The following PLCH2 variants were observed in gnomAD, a reference collection of about 807,000 sequenced individuals.
The protein encoded by PLCH2 is phospholipase C eta 2, also known as 1-phosphatidylinositol 4,5-bisphosphate phosphodiesterase eta-2.
PLCH2 carries 98 observed loss-of-function variants against 134.7 expected under a neutral mutation model. That is an observed-to-expected ratio of 0.73 (90% CI 0.62 to 0.86). The LOEUF (loss-of-function observed/expected upper bound fraction) is 0.86. PLCH2 is among the 40% of genes least tolerant of loss of function. The pLI is 0.00. For synonymous variants in PLCH2, 974 were observed against 827.5 expected, an observed-to-expected ratio of 1.18 and a Z score of -3.04; for missense variants, 1,994 against 1,986.6, an observed-to-expected ratio of 1.00 and a Z score of -0.07.
chr1:2,499,654 G>A lies in PLCH2; in HGVS notation c.2595G>A (p.Val865=), dbSNP rs1643105463. 6.2e-7 allele frequency: 1 copy of A among 1,601,542 alleles called. No individual in the cohort carries two copies. The highest frequency in any genetic ancestry group is 8.5e-7 in the Non-Finnish European group (1 of 1,174,484). The part of the protein sequence containing the change: ...FSSMMPGYRH[V]YLEGMEEASI... ...ACACTGCTCCAGGCTACAGACACGT[G>A]TACCTAGAAGGGATGGAAGAGGCCT... Residue 865 remains valine (V), a synonymous_variant, in exon 20 of 22, where the codon GTG becomes GTA. Coordinates refer to ENST00000378486, the MANE Select transcript of PLCH2 (RefSeq NM_014638.4).
At chr1:2,427,741 C>T (rs560966616) in intron 1 of PLCH2, among the ~76,000 whole-genome samples, 13 of 152,214 alleles carry the variant, frequency 8.5e-5, no homozygotes, top group East Asian at 3.9e-4. Flanking sequence ...GAGGGGCCAC[C>T]GCAGGTATTG....
At chr1:2,422,566 A>G (rs1638573710), upstream of PLCH2, among the ~76,000 whole-genome samples, 1 of 152,194 alleles carries the variant, frequency 6.6e-6, no homozygotes, top group Non-Finnish European at 1.5e-5. Context: ...AGAGTTTCTT[A>G]CAGGTTGTTG....
chr1:2,495,695 C>T, intron 13 of PLCH2, 125 bp downstream of exon 13: 2 of 644,728 alleles, frequency 3.1e-6, no homozygotes, highest in Non-Finnish European at 5.3e-6. Context: ...CCTTCTTGGC[C>T]CCTGGAAGCA....
chr1:2,459,602 C>CTCCTTCCT (rs1640702679), intron 2 of PLCH2, among the ~76,000 whole-genome samples: 1 of 71,208 alleles, frequency 1.4e-5, no homozygotes, highest in Non-Finnish European at 2.9e-5. Flanking sequence ...TCTTCCTTTC[C>CTCCTTCCT]GGTGGTCCTC....
At chr1:2,420,279 C>T in the PLCH2 span, among the ~76,000 whole-genome samples, 1 of 152,140 alleles carries the variant, frequency 6.6e-6, no homozygotes, top group African/African-American at 2.4e-5. Flanking sequence ...TCCTTCCTCC[C>T]GCTGCTCGAT....
At chr1:2,430,147 A>C (rs1313997287) in intron 1 of PLCH2, among the ~76,000 whole-genome samples, 1 of 151,656 alleles carries the variant, frequency 6.6e-6, no homozygotes, top group Admixed American at 6.6e-5. Context: ...TTCCCACCTG[A>C]CTCTTCAGAC....
chr1:2,455,161 A>G (rs1640429390), intron 2 of PLCH2, among the ~76,000 whole-genome samples: 2 of 152,318 alleles, frequency 1.3e-5, no homozygotes, highest in East Asian at 1.9e-4. Context: ...TTTCTGAGAT[A>G]GGAACTCAGC....
Position 2,434,196 on chromosome 1 carries a change from G to A in PLCH2, c.115+3567G>A, listed in dbSNP as rs906852687. ...GAGCAACCAAGGGAGGTGGCTGGGT[G>A]TGCCAGGGGCCGGCGGGGGCCGCGC... On this transcript the variant is annotated intron_variant, in intron 2 of 3. Coordinates refer to the PLCH2 transcript ENST00000609981. Among the ~76,000 whole-genome samples the A allele has an allele frequency of 7.9e-5, 12 of 152,256 alleles. No individual in the cohort carries two copies. In the South Asian group the frequency reaches 2.3e-3, roughly 29 times the overall value.
chr1:2,493,610 G>A (rs890008657), intron 11 of PLCH2: 2 of 152,396 alleles, frequency 1.3e-5, no homozygotes, highest in African/African-American at 2.4e-5. Flanking sequence ...GGCTCCCTAT[G>A]AGGGTGAAGG....
chr1:2,433,967 A>C (rs1203618340), intron 2 of PLCH2, among the ~76,000 whole-genome samples: 1 of 143,834 alleles, frequency 7.0e-6, no homozygotes, highest in Non-Finnish European at 1.5e-5. Flanking sequence ...CATGCTCCGA[A>C]GGGCAGCAGT....
intron 2 of PLCH2, chr1:2,479,499 G>C (rs1641832915): frequency 8.1e-6 from 4 of 494,646 alleles, no homozygotes; most frequent in Non-Finnish European, 7.3e-6. Context: ...TCGTGGGGGC[G>C]TGTCTTTTCC....
At chr1:2,438,998 C>T (rs561778762) in intron 2 of PLCH2, among the ~76,000 whole-genome samples, 23 of 152,332 alleles carry the variant, frequency 1.5e-4, no homozygotes, top group African/African-American at 5.3e-4. Context: ...ATGGGTGGCT[C>T]CAGGTAGAAG....
chr1:2,436,441 C>T lies in PLCH2; in HGVS notation c.115+5812C>T, dbSNP rs201395937. 9.1e-3 allele frequency among the ~76,000 whole-genome samples: 240 copies of T among 26,402 alleles called. 47 individuals carry two copies. Among genetic ancestry groups the T allele is most frequent in the East Asian group, 0.069 (18 of 262 alleles). 17.3% of individuals were successfully genotyped at this position (26,402 alleles called of 152,430 possible). A position where few individuals can be genotyped will look rare whatever the true frequency, so the allele number is the denominator to read the frequency against. ...ACCTTTCCTCCTTTCTCCCTCCTCCCTTCCTCCCTTCCTCCCTCCACCTTT... is the reference window on the plus strand; with the variant it reads ...ACCTTTCCTCCTTTCTCCCTCCTCCTTTCCTCCCTTCCTCCCTCCACCTTT... On this transcript the variant is annotated intron_variant, in intron 2 of 3. Coordinates refer to the PLCH2 transcript ENST00000609981.
intron 2 of PLCH2, among the ~76,000 whole-genome samples, chr1:2,432,324 G>A (rs568947682): frequency 6.6e-6 from 1 of 152,312 alleles, no homozygotes; most frequent in South Asian, 2.1e-4. Flanking sequence ...GAGCACTCCG[G>A]CTGGGACTGG....
At chr1:2,503,146 C>G (rs1212424529) in intron 21 of PLCH2, 7 of 649,888 alleles carry the variant, frequency 1.1e-5, no homozygotes, top group Non-Finnish European at 2.0e-5. Context: ...GTTTGAGGCC[C>G]GACAGGCTGG....
chr1:2,502,466 G>A, intron 21 of PLCH2, 57 bp downstream of exon 21: 1 of 1,484,424 alleles, frequency 6.7e-7, no homozygotes, highest in Non-Finnish European at 9.2e-7. Flanking sequence ...GCCCCCGCGT[G>A]TCCTGGACGG....
chr1:2,443,595 A>AGCCCTGCCGTGC (rs1553240676), intron 2 of PLCH2, among the ~76,000 whole-genome samples: 12 of 150,280 alleles, frequency 8.0e-5, no homozygotes, highest in Admixed American at 3.3e-4. Flanking sequence ...CGGGCCGGCT[A>AGCCCTGCCGTGC]GCCCCGCGCC....
chr1:2,483,031 G>A (rs1277036199), intron 4 of PLCH2, among the ~76,000 whole-genome samples: 4 of 152,238 alleles, frequency 2.6e-5, no homozygotes, highest in Admixed American at 1.3e-4. Flanking sequence ...TCCTCAGCCT[G>A]TGTGGGCTCT....
At position 2,478,609 on chromosome 1, in the gene PLCH2, C is replaced by G. The variant is rs760039989; in HGVS notation, c.258C>G (p.Asn86Lys). The G allele has an allele frequency of 6.2e-7, 1 of 1,610,110 alleles. No individual in the cohort carries two copies. The highest frequency in any genetic ancestry group is 8.5e-7 in the Non-Finnish European group (1 of 1,178,812). Residue 86 changes from asparagine (N) to lysine (K), a missense_variant, in exon 2 of 22, where the codon AAC becomes AAG. Physicochemically the swap from Asn to Lys is moderately conservative, Grantham distance 94 (BLOSUM62 0). Coordinates refer to ENST00000378486, the MANE Select transcript of PLCH2 (RefSeq NM_014638.4). ...SCIRWRPSRKNEKAKISIDSI... is the reference protein window; with the variant it reads ...SCIRWRPSRKKEKAKISIDSI... ...TCCGCTGGAGGCCCTCACGCAAGAA[C>G]GAGAAGGCCAAGAGTGAGTGGGAGC...
Sources: gnomAD v4.1 joint callset for allele counts (sites outside exome capture counted in the v4.1 genomes callset) on GRCh38, gnomAD v4.1.1 for gene constraint, MANE v1.5 for transcripts, NCBI Gene and HGNC (gene_info 2026-07-23, HGNC 2026-07-21) for gene names.